Variants in RNF24 observed in about 807,000 individuals in gnomAD.
RNF24 encodes ring finger protein 24.
A neutral mutation model predicts 20.0 loss-of-function variants in RNF24; 14 were observed. The observed-to-expected ratio is 0.70, with a 90% CI of 0.46 to 1.10. The LOEUF is 1.10. Ranked by LOEUF, RNF24 falls within the 50% of genes least tolerant of loss-of-function variation. RNF24 has a pLI of 0.00. For missense variants in RNF24, 124 were observed against 177.6 expected (o/e 0.70, Z 1.71); for synonymous variants, 45 against 61.1 (o/e 0.74, Z 1.23).
At chr20:3,946,918 C>A (rs942049946) in intron 3 of RNF24, among the ~76,000 whole-genome samples, 2 of 151,960 alleles carry the variant, frequency 1.3e-5, no homozygotes, top group African/African-American at 4.8e-5. Flanking sequence ...CCTGGCTGGG[C>A]GCGGTGGCTC....
At chr20:3,938,513 G>A (rs1331339235) in intron 4 of RNF24, among the ~76,000 whole-genome samples, 1 of 152,090 alleles carries the variant, frequency 6.6e-6, no homozygotes, top group Admixed American at 6.6e-5. Flanking sequence ...TGGATAAACT[G>A]GACTTGATCA....
intron 1 of RNF24, among the ~76,000 whole-genome samples, chr20:4,009,779 C>G (rs1047522522): frequency 1.6e-4 from 25 of 151,938 alleles, no homozygotes; most frequent in African/African-American, 6.1e-4. Context: ...TATCCAGCCA[C>G]TTGGGTGGTG....
intron 1 of RNF24, among the ~76,000 whole-genome samples, chr20:3,969,988 T>G (rs1478484856): frequency 2.0e-5 from 3 of 151,992 alleles, no homozygotes; most frequent in Non-Finnish European, 4.4e-5. Flanking sequence ...CCAGCTGGAA[T>G]TTTTACACAA....
At chr20:3,992,560 A>G (rs926451818) in intron 1 of RNF24, among the ~76,000 whole-genome samples, 10 of 151,978 alleles carry the variant, frequency 6.6e-5, no homozygotes, top group Middle Eastern at 3.4e-3. Flanking sequence ...TGTACACTTC[A>G]GTATTTTGAA....
chr20:3,946,242 G>C (rs241633), intron 3 of RNF24, among the ~76,000 whole-genome samples: 1 of 151,826 alleles, frequency 6.6e-6, no homozygotes, highest in Non-Finnish European at 1.5e-5. Flanking sequence ...CGAGGTGGGC[G>C]GACTGCTTGA....
In RNF24 at chr20:3,964,034, A is replaced by G. The variant is rs777050640; in HGVS notation, c.-7-10T>C. 1.9e-6 allele frequency: 3 copies of G among 1,609,348 alleles called. No homozygotes were observed. In the East Asian group the frequency reaches 6.7e-5, roughly 36 times the overall value. On this transcript the variant is annotated splice_polypyrimidine_tract_variant and intron_variant, in intron 1 of 5. Coordinates refer to ENST00000358395, the MANE Select transcript of RNF24 (RefSeq NM_001134337.3). Reference sequence around the variant, plus strand: ...CGAGCTCATGGATGAACTGTGGGGGAAGAAAAGAATGGAAAAAAAATAGGT... The same window carrying G: ...CGAGCTCATGGATGAACTGTGGGGGGAGAAAAGAATGGAAAAAAAATAGGT...
intron 2 of RNF24, among the ~76,000 whole-genome samples, chr20:3,953,280 T>C (rs2146970132): frequency 6.6e-6 from 1 of 151,842 alleles, no homozygotes; most frequent in Non-Finnish European, 1.5e-5. Context: ...GCCTCCCGAG[T>C]AGCTGGGACT....
At chr20:3,988,669 G>A (rs997667906) in intron 1 of RNF24, among the ~76,000 whole-genome samples, 12 of 152,022 alleles carry the variant, frequency 7.9e-5, no homozygotes, top group Non-Finnish European at 1.3e-4. Context: ...ATTTTGCCCA[G>A]GCTGGTCTGG....
rs2090814672 is a variant in RNF24, at chr20:3,931,022, G to A, written c.*3041C>T. On this transcript the variant is annotated 3_prime_UTR_variant, in exon 6 of 6. Transcript: ENST00000358395. ...CACGTGGCAAAGAAAAGCAGCAGAT[G>A]TCAACTTCCTAGTGTCTGATACTGA... 1.3e-5 allele frequency: 2 copies of A among 152,258 alleles called. No homozygotes were observed. The highest frequency in any genetic ancestry group is 2.4e-5 in the African/African-American group (1 of 41,442). The allele number at this position is 152,258 out of a possible 1,614,324, so 9.4% of individuals were successfully genotyped here.
chr20:3,961,766 T>A (rs530711462), intron 2 of RNF24, among the ~76,000 whole-genome samples: 21 of 152,184 alleles, frequency 1.4e-4, no homozygotes, highest in Middle Eastern at 3.4e-3. Flanking sequence ...AATATTAAAT[T>A]TACATATTTC....
intron 1 of RNF24, among the ~76,000 whole-genome samples, chr20:4,003,360 C>T (rs756432796): frequency 6.6e-6 from 1 of 152,180 alleles, no homozygotes; most frequent in Non-Finnish European, 1.5e-5. Flanking sequence ...TAATATGCAA[C>T]ATTTACAATA....
intron 2 of RNF24, among the ~76,000 whole-genome samples, chr20:3,951,773 T>C (rs943722138): frequency 6.6e-6 from 1 of 152,224 alleles, no homozygotes; most frequent in Non-Finnish European, 1.5e-5. Flanking sequence ...ATATGATCAC[T>C]ACTTTTTGTT....
At chr20:3,970,947 G>A (rs891117205) in intron 1 of RNF24, among the ~76,000 whole-genome samples, 7 of 152,154 alleles carry the variant, frequency 4.6e-5, no homozygotes, top group Admixed American at 6.5e-5. Context: ...TCGGCAAGCT[G>A]AGGAATCTGT....
At chr20:3,945,856 A>G (rs2091010336) in intron 3 of RNF24, among the ~76,000 whole-genome samples, 1 of 152,228 alleles carries the variant, frequency 6.6e-6, no homozygotes, top group African/African-American at 2.4e-5. Context: ...AATATAGCTT[A>G]TTAGAGTTAT....
At chr20:3,939,760 A>G (rs1205651833) in intron 4 of RNF24, among the ~76,000 whole-genome samples, 3 of 152,216 alleles carry the variant, frequency 2.0e-5, no homozygotes, top group Non-Finnish European at 4.4e-5. Context: ...GATTTTGAAA[A>G]AGATGATTTG....
chr20:3,944,142 G>A (rs890736729), intron 4 of RNF24, among the ~76,000 whole-genome samples: 3 of 150,818 alleles, frequency 2.0e-5, no homozygotes, highest in South Asian at 2.1e-4. Flanking sequence ...CCCAGGAGGC[G>A]GAGTTTGTAG....
At chr20:3,958,798 C>T (rs112879430) in intron 2 of RNF24, among the ~76,000 whole-genome samples, 4 of 152,142 alleles carry the variant, frequency 2.6e-5, no homozygotes, top group South Asian at 2.1e-4. Flanking sequence ...TGTGACACCA[C>T]GCCTGGTTAA....
intron 2 of RNF24, among the ~76,000 whole-genome samples, chr20:3,956,880 A>G (rs999624422): frequency 2.0e-5 from 3 of 152,206 alleles, no homozygotes; most frequent in African/African-American, 7.2e-5. Flanking sequence ...AATAAAATGG[A>G]CCGGGCATGG....
chr20:4,014,661 T>C (rs1375122452), intron 1 of RNF24, among the ~76,000 whole-genome samples: 1 of 151,964 alleles, frequency 6.6e-6, no homozygotes, highest in Non-Finnish European at 1.5e-5. Flanking sequence ...TGAAGTTATA[T>C]CCCCTCCCCT....
Sources: allele counts gnomAD v4.1 joint callset (sites outside exome capture counted in the v4.1 genomes callset), GRCh38; gene constraint gnomAD v4.1.1; transcripts MANE v1.5; gene names NCBI Gene and HGNC (gene_info 2026-07-23, HGNC 2026-07-21).